The following CHRM2 variants were observed in gnomAD, a reference collection of about 807,000 sequenced individuals.
The protein encoded by CHRM2 is muscarinic acetylcholine receptor M2.
Under a neutral mutation model 25.0 loss-of-function variants are expected in CHRM2, and 8 were observed. The observed-to-expected ratio is 0.32, with a 90% confidence interval of 0.19 to 0.58. The LOEUF (loss-of-function observed/expected upper bound fraction) is 0.58, where lower values mean the gene tolerates loss of function less well. CHRM2 is among the 20% of genes least tolerant of loss of function. The pLI is 0.88. For missense variants in CHRM2, 440 were observed against 567.1 expected, an observed-to-expected ratio of 0.78 and a Z score of 2.28; for synonymous variants, 202 against 205.7, an observed-to-expected ratio of 0.98 and a Z score of 0.15.
intron 2 of CHRM2, among the ~76,000 whole-genome samples, chr7:136,889,806 G>A (rs555091861): frequency 1.1e-4 from 17 of 152,170 alleles, no homozygotes; most frequent in African/African-American, 3.4e-4. Flanking sequence ...GGACTGTTGC[G>A]GGAATGTTGT....
Position 137,018,781 on chromosome 7 carries a change from C to A in CHRM2, c.*2515C>A, listed in dbSNP as rs1019019222. On this transcript the variant is annotated 3_prime_UTR_variant, in exon 4 of 4. Transcript: ENST00000680005. Reference sequence around the variant, plus strand: ...GAAAGAAATTGAAGATAGGCTGACACCATGGAAACTACGTCAAACAGATAA... The same window carrying A: ...GAAAGAAATTGAAGATAGGCTGACAACATGGAAACTACGTCAAACAGATAA... 6.6e-6 allele frequency: 1 copy of A among 151,754 alleles called. No homozygotes were observed. Among genetic ancestry groups the A allele is most frequent in the Admixed American group, 6.6e-5 (1 of 15,184 alleles). 9.4% of individuals were successfully genotyped at this position (151,754 alleles called of 1,614,324 possible).
intron 3 of CHRM2, among the ~76,000 whole-genome samples, chr7:137,009,288 T>C (rs1321406029): frequency 2.0e-5 from 3 of 152,114 alleles, no homozygotes; most frequent in Admixed American, 2.0e-4. Flanking sequence ...TTCAGAAAAA[T>C]CTGTCATTGT....
At chr7:136,944,847 C>T (rs1799978199) in intron 2 of CHRM2, among the ~76,000 whole-genome samples, 1 of 152,082 alleles carries the variant, frequency 6.6e-6, no homozygotes. Flanking sequence ...TTTGCATCAG[C>T]CTAATAGTTT....
At chr7:136,902,394 T>C (rs1404916615) in intron 2 of CHRM2, 1 of 152,066 alleles carries the variant, frequency 6.6e-6, no homozygotes, top group Non-Finnish European at 1.5e-5. Flanking sequence ...AGTGAGAAGG[T>C]AAGCTATAGC....
intron 2 of CHRM2, among the ~76,000 whole-genome samples, chr7:136,925,273 G>A (rs942124882): frequency 6.6e-6 from 1 of 151,992 alleles, no homozygotes; most frequent in Non-Finnish European, 1.5e-5. Flanking sequence ...CCAGATATCC[G>A]GTTGCTGGCC....
intron 2 of CHRM2, chr7:136,870,944 T>C (rs1272888710): frequency 6.6e-6 from 1 of 152,508 alleles, no homozygotes; most frequent in African/African-American, 2.4e-5. Context: ...CCTGCTCTTT[T>C]CTTAGCGCTG....
chr7:136,955,184 T>C (rs919508263), intron 2 of CHRM2, among the ~76,000 whole-genome samples: 5 of 152,184 alleles, frequency 3.3e-5, no homozygotes, highest in Admixed American at 6.5e-5. Flanking sequence ...CCTCCTTCTT[T>C]CTCATGATTT....
chr7:137,019,633 TAAGA>T lies in CHRM2; in HGVS notation c.*3369_*3372del. ...GAGTGATATTATAAGAAGAGGAGAT[TAAGA>T]ATATGGAAAAAGTCTGTTCATTTCT... On this transcript the variant is annotated 3_prime_UTR_variant, in exon 4 of 4. Transcript: ENST00000680005. The T allele has an allele frequency of 6.6e-6, 1 of 151,978 alleles. No individual in the cohort carries two copies. The highest frequency in any genetic ancestry group is 2.1e-4 in the South Asian group (1 of 4,826). 9.4% of individuals were successfully genotyped at this position (151,978 alleles called of 1,614,324 possible).
chr7:136,928,543 A>G (rs1798872962), intron 2 of CHRM2, among the ~76,000 whole-genome samples: 1 of 152,180 alleles, frequency 6.6e-6, no homozygotes, highest in Non-Finnish European at 1.5e-5. Flanking sequence ...CATCCACTTT[A>G]CTTGTATTCA....
In CHRM2 at chr7:136,918,189, T is replaced by C. The variant is rs187991008; in HGVS notation, c.-125+48771T>C. On this transcript the variant is annotated intron_variant, in intron 2 of 3. Transcript: ENST00000680005. ...GTGCTGTTCACTTTAAAGTTTTAGG[T>C]GCCTTGGAAGGGTTTCTCAAGCTAA... 5.9e-5 allele frequency among the ~76,000 whole-genome samples: 9 copies of C among 152,200 alleles called. No homozygotes were observed. In the East Asian group the frequency reaches 1.7e-3, roughly 30 times the overall value.
chr7:136,968,910 C>T (rs1369857366), intron 2 of CHRM2, among the ~76,000 whole-genome samples: 2 of 151,750 alleles, frequency 1.3e-5, no homozygotes, highest in Non-Finnish European at 2.9e-5. Flanking sequence ...CAGTTAACAC[C>T]TAATCTGTGA....
chr7:137,015,681 A>C lies in CHRM2; in HGVS notation c.816A>C (p.Glu272Asp). The change falls in exon 4 of 4, where the codon GAA becomes GAC. Residue 272 changes from glutamate to aspartate, a missense_variant. Transcript: ENST00000680005. The surrounding 1 kb of genome is among the most constrained non-coding windows in gnomAD (Gnocchi z 5.1). The stretch of plus-strand genomic sequence containing the variant: ...AAGCCCCCAGGGATCCTGTGACTGA[A>C]AACTGTGTTCAGGGAGAGGAGAAGG... ...NGKAPRDPVT[E>D]NCVQGEEKES... 1 of 1,613,178 alleles carries C rather than the reference A, an allele frequency of 6.2e-7. No individual in the cohort carries two copies. Among genetic ancestry groups the C allele is most frequent in the Non-Finnish European group, 8.5e-7 (1 of 1,179,558 alleles).
chr7:136,883,204 G>GT (rs1192346948), intron 2 of CHRM2, among the ~76,000 whole-genome samples: 1 of 152,086 alleles, frequency 6.6e-6, no homozygotes, highest in Non-Finnish European at 1.5e-5. Flanking sequence ...TCTTCCACTT[G>GT]TTTTTACCAC....
At chr7:136,942,423 G>C (rs1341928172) in intron 2 of CHRM2, among the ~76,000 whole-genome samples, 2 of 152,184 alleles carry the variant, frequency 1.3e-5, no homozygotes, top group Non-Finnish European at 2.9e-5. Context: ...CCAAGGACCA[G>C]TGTTCATTCT....
intron 3 of CHRM2, among the ~76,000 whole-genome samples, 190 bp from the exon 4 acceptor site, chr7:137,014,630 A>C (rs1805050579): frequency 6.6e-6 from 1 of 151,950 alleles, no homozygotes; most frequent in African/African-American, 2.4e-5. Flanking sequence ...GCCAGCCTGA[A>C]AGGTCCTTTT....
rs563028242 is a variant in CHRM2, at chr7:136,895,720, T to G, written c.-125+26302T>G. 9.0e-4 allele frequency among the ~76,000 whole-genome samples: 137 copies of G among 152,330 alleles called. 2 individuals are homozygous for G. The South Asian group carries it at 0.028, about 31-fold the overall frequency. On this transcript the variant is annotated intron_variant, in intron 2 of 3. Coordinates refer to ENST00000680005, the MANE Select transcript of CHRM2 (RefSeq NM_001006630.2). Reference sequence around the variant, plus strand: ...CTCACCCTACTCCTCGCTTCTAAAATGATTCTTTTGGCCAATCGCTTTGTT... The same window carrying G: ...CTCACCCTACTCCTCGCTTCTAAAAGGATTCTTTTGGCCAATCGCTTTGTT...
chr7:136,998,829 T>G (rs1803783211), intron 3 of CHRM2, among the ~76,000 whole-genome samples: 1 of 152,094 alleles, frequency 6.6e-6, no homozygotes, highest in East Asian at 1.9e-4. Context: ...ATATTCTAAA[T>G]AAGAACCCCT....
chr7:137,015,590 A>G lies in CHRM2; in HGVS notation c.725A>G (p.Lys242Arg), dbSNP rs779600445. 2.5e-6 allele frequency: 4 copies of G among 1,612,974 alleles called. No individual in the cohort carries two copies. The highest frequency in any genetic ancestry group is 3.4e-6 in the Non-Finnish European group (4 of 1,179,548). The change falls in exon 4 of 4, where the codon AAG (lysine) becomes AGG (arginine). Residue 242 changes from lysine (K) to arginine (R), a missense_variant. Around this residue, in one of 5 missense-constraint regions of CHRM2, gnomAD observed 261 missense variants for 261.8 expected, o/e 1.00. Coordinates refer to ENST00000680005, the MANE Select transcript of CHRM2 (RefSeq NM_001006630.2). This position sits in a 1 kb window ranked among gnomAD's most constrained non-coding sequence, Gnocchi z 5.1. Reference sequence around the variant, plus strand: ...AGTCTGGTACAAGGAAGGATAGTGAAGCCAAACAATAACAACATGCCCAGC... The same window carrying G: ...AGTCTGGTACAAGGAAGGATAGTGAGGCCAAACAATAACAACATGCCCAGC... ...SPSLVQGRIV[K>R]PNNNNMPSSD...
intron 2 of CHRM2, among the ~76,000 whole-genome samples, chr7:136,896,841 C>A (rs547047996): frequency 2.1e-3 from 315 of 152,088 alleles, no homozygotes; most frequent in Non-Finnish European, 3.8e-3. Flanking sequence ...ACTACTTTAA[C>A]AAAGTTGAGG....
Sources: allele counts gnomAD v4.1 joint callset (sites outside exome capture counted in the v4.1 genomes callset), GRCh38; gene constraint gnomAD v4.1.1; regional missense constraint gnomAD v4.1.1; non-coding constraint Gnocchi (gnomAD v3.1); transcripts MANE v1.5; gene names NCBI Gene and HGNC (gene_info 2026-07-23, HGNC 2026-07-21).